SPAG17: variants seen among roughly 807,000 people sequenced by gnomAD.
SPAG17 encodes the protein sperm associated antigen 17, also known as sperm-associated antigen 17.
SPAG17 carries 169 observed loss-of-function variants against 273.6 expected under a neutral mutation model. That is an observed-to-expected ratio of 0.62 (90% CI 0.55 to 0.70). The LOEUF is 0.70. Ranked by LOEUF, SPAG17 falls within the 30% of genes least tolerant of loss-of-function variation. The pLI is 0.00. For synonymous variants in SPAG17, 825 were observed against 873.2 expected (o/e 0.94, Z 0.97); for missense variants, 2,557 against 2,627.8 (o/e 0.97, Z 0.59).
At chr1:118,052,145 A>G (rs1267491300) in intron 20 of SPAG17, among the ~76,000 whole-genome samples, 1 of 146,654 alleles carries the variant, frequency 6.8e-6, no homozygotes, top group African/African-American at 2.5e-5. Context: ...AAACTATATA[A>G]TATATACTAT....
intron 40 of SPAG17, 31 bp downstream of exon 40, chr1:117,987,803 G>C (rs1297805447): frequency 2.5e-6 from 4 of 1,610,742 alleles, no homozygotes; most frequent in Non-Finnish European, 3.4e-6. Context: ...GGCCCTTTCA[G>C]GTCCTTATGT....
Position 118,110,975 on chromosome 1 carries a change from C to T in SPAG17, c.447+4335G>A, listed in dbSNP as rs532913404. Among the ~76,000 whole-genome samples, 20 of 152,282 alleles carry T rather than the reference C, an allele frequency of 1.3e-4. No homozygotes were observed. The East Asian group carries it at 3.9e-3, about 29-fold the overall frequency. On this transcript the variant is annotated intron_variant, in intron 4 of 48. Coordinates refer to ENST00000336338, the MANE Select transcript of SPAG17 (RefSeq NM_206996.4). ...AAAATTCCTTAACTTTTCATACCCT[C>T]AGTTTCCCCATCTGCAAACTCAGAA... is the stretch of plus-strand genomic sequence containing the variant.
intron 45 of SPAG17, 66 bp from the exon 46 acceptor site, chr1:117,970,182 G>C: frequency 4.0e-6 from 6 of 1,491,810 alleles, no homozygotes; most frequent in Non-Finnish European, 5.5e-6. Context: ...GAATAAGCTG[G>C]GATGTTATAA....
At position 117,966,723 on chromosome 1, in the gene SPAG17, T is replaced by TA. The variant is rs1653898353; in HGVS notation, c.6417dup (p.Ile2140TyrfsTer30). On this transcript the variant is annotated frameshift_variant, in exon 47 of 49. Coordinates refer to ENST00000336338, the MANE Select transcript of SPAG17 (RefSeq NM_206996.4). LOFTEE classifies it high-confidence loss of function. Reference sequence around the variant, plus strand: ...CCAACAGCTGTGGCAAATAACTCTATATTCAGTTCTGTCTGCATACCAGCT... The same window carrying TA: ...CCAACAGCTGTGGCAAATAACTCTATAATTCAGTTCTGTCTGCATACCAGCT... The TA allele has an allele frequency of 1.2e-6, 2 of 1,613,388 alleles. No homozygotes were observed. Among genetic ancestry groups the TA allele is most frequent in the Middle Eastern group, 1.6e-4 (1 of 6,080 alleles).
chr1:118,058,948 A>G (rs771757513), intron 18 of SPAG17, among the ~76,000 whole-genome samples: 1 of 152,220 alleles, frequency 6.6e-6, no homozygotes, highest in Non-Finnish European at 1.5e-5. Flanking sequence ...ACATGTCAAA[A>G]TAATAGAAAG....
At chr1:117,969,273 G>A (rs1378703631) in intron 46 of SPAG17, among the ~76,000 whole-genome samples, 1 of 152,060 alleles carries the variant, frequency 6.6e-6, no homozygotes, top group Non-Finnish European at 1.5e-5. Context: ...TGAGGCAATT[G>A]ATGAGTTTAA....
chr1:118,043,089 ATAAGG>A (rs1280517447), intron 20 of SPAG17, among the ~76,000 whole-genome samples: 2 of 152,268 alleles, frequency 1.3e-5, no homozygotes, highest in East Asian at 1.9e-4. Context: ...AATAGAGAAT[ATAAGG>A]TAAGTTTTAA....
chr1:118,122,104 T>C (rs571238098), intron 3 of SPAG17, among the ~76,000 whole-genome samples: 41 of 152,206 alleles, frequency 2.7e-4, no homozygotes, highest in Non-Finnish European at 5.4e-4. Context: ...TATTTGCTTA[T>C]ATCATTAGAA....
At chr1:118,108,618 A>G (rs985257373) in intron 4 of SPAG17, among the ~76,000 whole-genome samples, 1 of 152,194 alleles carries the variant, frequency 6.6e-6, no homozygotes, top group Non-Finnish European at 1.5e-5. Flanking sequence ...TAGGAGGGGC[A>G]TATCCAAAAA....
At chr1:118,131,240 C>T (rs929413989) in intron 3 of SPAG17, among the ~76,000 whole-genome samples, 2 of 152,218 alleles carry the variant, frequency 1.3e-5, no homozygotes, top group Non-Finnish European at 2.9e-5. Context: ...TTCTATCACT[C>T]CATTTCAGCT....
chr1:118,050,131 T>C (rs1013639333), intron 20 of SPAG17, among the ~76,000 whole-genome samples: 3 of 152,028 alleles, frequency 2.0e-5, no homozygotes, highest in Non-Finnish European at 4.4e-5. Context: ...CATGCTCCCC[T>C]CCCAAGTGCT....
chr1:118,155,629 G>A (rs2102359930), intron 1 of SPAG17, among the ~76,000 whole-genome samples: 1 of 152,314 alleles, frequency 6.6e-6, no homozygotes, highest in Admixed American at 6.5e-5. Flanking sequence ...ATATGAACCA[G>A]TAGTGGTCAG....
chr1:117,978,727 C>T (rs10923452), intron 43 of SPAG17, among the ~76,000 whole-genome samples: 65,126 of 151,880 alleles, frequency 0.43, 15,419 homozygotes, highest in South Asian at 0.57. Context: ...CACCAGTGAT[C>T]TTCATCTTGT....
intron 20 of SPAG17, among the ~76,000 whole-genome samples, chr1:118,050,965 A>C (rs141158149): frequency 3.2e-4 from 48 of 152,342 alleles, no homozygotes; most frequent in African/African-American, 1.0e-3. Flanking sequence ...AACCTATGGA[A>C]TAGGACATAA....
rs1651756266 is a variant in SPAG17 at position 117,953,650 on chromosome 1, T to A, written c.*400A>T. On this transcript the variant is annotated 3_prime_UTR_variant, in exon 49 of 49. Coordinates refer to ENST00000336338, the MANE Select transcript of SPAG17 (RefSeq NM_206996.4). ...AGCCATTTTTTTGGCAAAAAGTTGA[T>A]GAGATTTAAAGATGGGGATTATAAC... The A allele has an allele frequency of 9.2e-7, 1 of 1,082,206 alleles. No homozygotes were observed. Among genetic ancestry groups the A allele is most frequent in the Non-Finnish European group, 1.3e-6 (1 of 746,414 alleles). 67.0% of individuals were successfully genotyped at this position (1,082,206 alleles called of 1,614,324 possible). A position where few individuals can be genotyped will look rare whatever the true frequency, so the allele number is the denominator to read the frequency against.
chr1:118,148,221 C>A (rs984923153), intron 3 of SPAG17, among the ~76,000 whole-genome samples: 1 of 152,160 alleles, frequency 6.6e-6, no homozygotes, highest in Non-Finnish European at 1.5e-5. Context: ...CCTAGTGTGT[C>A]TGGAGTTGAT....
intron 4 of SPAG17, among the ~76,000 whole-genome samples, chr1:118,114,967 C>G (rs376993419): frequency 1.7e-3 from 266 of 152,252 alleles, no homozygotes; most frequent in African/African-American, 6.2e-3. Context: ...AGGGTTCCCC[C>G]CAACTGTCCT....
At chr1:117,955,100 G>T in intron 48 of SPAG17, 1 of 456,848 alleles carries the variant, frequency 2.2e-6, no homozygotes, top group Non-Finnish European at 3.9e-6. Context: ...TATAGATAAG[G>T]AATCTGGCTT....
rs1657699511 is a variant in SPAG17, at chr1:117,996,670, T to C, written c.4850A>G (p.Glu1617Gly). ...CATAGAGGACAGACTATCATAGCCC[T>C]CAGTTTTCTCATTTAAATCATCTTC... ...KLEDDLNEKT[E>G]GYDSLSSMHL... The change falls in exon 33 of 49, where the codon GAG becomes GGG. Residue 1617 changes from glutamate (E) to glycine (G), a missense_variant. By Grantham distance (98) the Glu-to-Gly change is moderately conservative (BLOSUM62 -2). Transcript: ENST00000336338. The C allele has an allele frequency of 6.2e-7, 1 of 1,612,778 alleles. No homozygotes were observed. Among genetic ancestry groups the C allele is most frequent in the African/African-American group, 1.3e-5 (1 of 74,844 alleles).
Sources: gnomAD v4.1 joint callset for allele counts (sites outside exome capture counted in the v4.1 genomes callset) on GRCh38, gnomAD v4.1.1 for gene constraint, MANE v1.5 for transcripts, NCBI Gene and HGNC (gene_info 2026-07-23, HGNC 2026-07-21) for gene names.